Variants in WASF3 observed in about 807,000 individuals in gnomAD.
WASF3 encodes the protein actin-binding protein WASF3.
A neutral mutation model predicts 46.6 loss-of-function variants in WASF3; 11 were observed. The ratio of observed to expected loss-of-function variants is 0.24; its 90% CI spans 0.15 to 0.39. WASF3 has a LOEUF of 0.39. Among genes scored for constraint, WASF3 ranks in the 10% least tolerant of loss-of-function variants. WASF3 has a pLI of 1.00. For missense variants in WASF3, 576 were observed against 669.8 expected, an observed-to-expected ratio of 0.86 and a Z score of 1.55; for synonymous variants, 242 against 259.7, an observed-to-expected ratio of 0.93 and a Z score of 0.65.
At position 26,685,591 on chromosome 13, in the gene WASF3, C is replaced by T. The variant is rs1385633532; in HGVS notation, c.1352-97C>T. On this transcript the variant is annotated intron_variant, in intron 9 of 9. Coordinates refer to ENST00000335327, the MANE Select transcript of WASF3 (RefSeq NM_006646.6). ...TTCTAAAACTTTCTGTCCTTAGTGT[C>T]AGTAGAAAAAAAAGTCCAATAGACA... is the stretch of plus-strand genomic sequence containing the variant. 5 of 1,434,176 alleles carry T rather than the reference C, an allele frequency of 3.5e-6. No homozygotes were observed. In the East Asian group the frequency reaches 1.2e-4, roughly 33 times the overall value. The allele number at this position is 1,434,176 out of a possible 1,614,324, so 88.8% of individuals were successfully genotyped here.
intron 1 of WASF3, among the ~76,000 whole-genome samples, chr13:26,571,435 T>C (rs188874908): frequency 2.3e-4 from 35 of 152,332 alleles, no homozygotes; most frequent in Admixed American, 1.0e-3. Context: ...GTGTGAGGAA[T>C]AGATCTGATT....
At chr13:26,611,836 A>G (rs199879356) in intron 1 of WASF3, among the ~76,000 whole-genome samples, 5 of 148,000 alleles carry the variant, frequency 3.4e-5, no homozygotes, top group Admixed American at 6.7e-5. Context: ...TGATCATTCT[A>G]TTTTTTTTTT....
intron 3 of WASF3, among the ~76,000 whole-genome samples, chr13:26,652,170 T>A (rs1223534635): frequency 6.6e-6 from 1 of 152,190 alleles, no homozygotes; most frequent in Non-Finnish European, 1.5e-5. Context: ...ATTTTGAGGA[T>A]GAAGACACTG....
intron 3 of WASF3, among the ~76,000 whole-genome samples, 200 bp downstream of exon 3, chr13:26,642,603 G>T (rs922929006): frequency 6.6e-6 from 1 of 152,146 alleles, no homozygotes; most frequent in Non-Finnish European, 1.5e-5. Context: ...AAGATGTGAT[G>T]CTCTTACCAA....
Position 26,642,270 on chromosome 13 carries a change from C to T in WASF3, c.-1C>T. ...TGTTTTCAATTTTCAGATTGTGAACCATGCCTTTAGTGAAGAGGAACATTG... is the reference window on the plus strand; with the variant it reads ...TGTTTTCAATTTTCAGATTGTGAACTATGCCTTTAGTGAAGAGGAACATTG... On this transcript the variant is annotated 5_prime_UTR_variant, in exon 3 of 10. Transcript: ENST00000335327. The T allele has an allele frequency of 1.3e-6, 2 of 1,558,028 alleles. No individual in the cohort carries two copies. Among genetic ancestry groups the T allele is most frequent in the Admixed American group, 2.2e-5 (1 of 44,662 alleles).
the WASF3 span, among the ~76,000 whole-genome samples, chr13:26,547,428 C>A: frequency 7.4e-6 from 1 of 134,954 alleles, no homozygotes; most frequent in African/African-American, 2.8e-5. Flanking sequence ...ACACACACAC[C>A]CATCATATAC....
At chr13:26,595,274 T>C (rs1023460424) in intron 1 of WASF3, among the ~76,000 whole-genome samples, 1 of 152,244 alleles carries the variant, frequency 6.6e-6, no homozygotes. Context: ...TTTTTAAATA[T>C]GGATCTGCTC....
At chr13:26,579,734 C>G (rs2137166778) in intron 1 of WASF3, among the ~76,000 whole-genome samples, 1 of 152,084 alleles carries the variant, frequency 6.6e-6, no homozygotes, top group East Asian at 1.9e-4. Context: ...TTTTTAAAAC[C>G]AGGAAATGGC....
chr13:26,570,176 T>C (rs778304258), intron 1 of WASF3, among the ~76,000 whole-genome samples: 2 of 152,062 alleles, frequency 1.3e-5, no homozygotes, highest in Non-Finnish European at 2.9e-5. Context: ...TAATTCCAGC[T>C]ACGTGGGAGG....
At chr13:26,557,188 T>C (rs1023086965), upstream of WASF3, among the ~76,000 whole-genome samples, 2 of 152,168 alleles carry the variant, frequency 1.3e-5, no homozygotes, top group African/African-American at 4.8e-5. Flanking sequence ...ATTTTAAGAA[T>C]GCTAACGAAT....
intron 3 of WASF3, among the ~76,000 whole-genome samples, chr13:26,642,690 TA>T (rs1171599547): frequency 6.6e-6 from 1 of 152,256 alleles, no homozygotes; most frequent in Admixed American, 6.5e-5. Context: ...AAAATGAAGA[TA>T]ATTGGTAATT....
At chr13:26,639,257 G>C (rs1881921664) in intron 2 of WASF3, among the ~76,000 whole-genome samples, 1 of 152,140 alleles carries the variant, frequency 6.6e-6, no homozygotes, top group Non-Finnish European at 1.5e-5. Flanking sequence ...CTTGTCTTTT[G>C]TATTTATACA....
intron 1 of WASF3, among the ~76,000 whole-genome samples, chr13:26,591,882 T>C (rs756331822): frequency 7.7e-4 from 118 of 152,276 alleles, no homozygotes; most frequent in Non-Finnish European, 9.0e-4. Context: ...TGACTATTAC[T>C]TGGTCACCCC....
intron 1 of WASF3, among the ~76,000 whole-genome samples, chr13:26,612,202 A>G (rs1197069663): frequency 1.3e-5 from 2 of 152,320 alleles, no homozygotes; most frequent in Middle Eastern, 3.4e-3. Flanking sequence ...TTATGTGTTC[A>G]GTGTTTAAAG....
At chr13:26,607,999 G>GCCTA (rs147152753) in intron 1 of WASF3, among the ~76,000 whole-genome samples, 22,234 of 151,334 alleles carry the variant, frequency 0.15, 1,713 homozygotes, top group South Asian at 0.2. Flanking sequence ...GTCTACTGGG[G>GCCTA]CCTAGTACAG....
intron 2 of WASF3, among the ~76,000 whole-genome samples, chr13:26,640,033 GGTGATAGGT>G (rs1450458641): frequency 1.3e-5 from 2 of 152,062 alleles, no homozygotes; most frequent in Non-Finnish European, 2.9e-5. Context: ...ACATCGAGGA[GGTGATAGGT>G]GTGATAGGTG....
intron 1 of WASF3, among the ~76,000 whole-genome samples, chr13:26,566,262 G>T (rs1879460631): frequency 6.6e-6 from 1 of 152,150 alleles, no homozygotes; most frequent in Non-Finnish European, 1.5e-5. Context: ...ACTTTATTCA[G>T]ATTTTTATTA....
the WASF3 span, among the ~76,000 whole-genome samples, chr13:26,546,795 G>A: frequency 1.3e-5 from 2 of 152,180 alleles, no homozygotes; most frequent in African/African-American, 4.8e-5. Context: ...GACTGATTTG[G>A]CCCGCTGGCT....
intron 3 of WASF3, among the ~76,000 whole-genome samples, chr13:26,657,585 A>G (rs890341391): frequency 6.6e-6 from 1 of 152,230 alleles, no homozygotes; most frequent in African/African-American, 2.4e-5. Context: ...ATTTTTCTTT[A>G]GTTAACAGAG....
Sources: gnomAD v4.1 joint callset for allele counts (sites outside exome capture counted in the v4.1 genomes callset) on GRCh38, gnomAD v4.1.1 for gene constraint, MANE v1.5 for transcripts, NCBI Gene and HGNC (gene_info 2026-07-23, HGNC 2026-07-21) for gene names.